The following NRXN1 variants were observed in gnomAD, a reference collection of about 807,000 sequenced individuals.
NRXN1 encodes the protein neurexin 1.
NRXN1 carries 39 observed loss-of-function variants against 150.9 expected under a neutral mutation model. The observed-to-expected ratio is 0.26, with a 90% confidence interval of 0.20 to 0.34. The LOEUF is 0.34. NRXN1 is among the 10% of genes least tolerant of loss of function. NRXN1 has a pLI of 1.00. For synonymous variants in NRXN1, 924 were observed against 757.0 expected (o/e 1.22, Z -3.62); for missense variants, 1,815 against 1,949.9 (o/e 0.93, Z 1.30).
At chr2:49,998,015 C>G (rs1026320991) in intron 21 of NRXN1, among the ~76,000 whole-genome samples, 2 of 152,116 alleles carry the variant, frequency 1.3e-5, no homozygotes, top group African/African-American at 4.8e-5. Context: ...AAAAGAGAGC[C>G]AGGTCAGCAG....
At chr2:49,978,801 C>T (rs1679468633) in intron 21 of NRXN1, among the ~76,000 whole-genome samples, 1 of 151,204 alleles carries the variant, frequency 6.6e-6, no homozygotes, top group Admixed American at 6.6e-5. Context: ...TCACAATTCT[C>T]TTAAAACTAG....
chr2:50,435,590 T>G (rs999929888), intron 17 of NRXN1, among the ~76,000 whole-genome samples: 2 of 152,218 alleles, frequency 1.3e-5, no homozygotes, highest in African/African-American at 4.8e-5. Context: ...TTGTGAATAG[T>G]GCTGTGATGA....
chr2:50,800,322 C>G (rs935058659), intron 5 of NRXN1, among the ~76,000 whole-genome samples: 4 of 152,176 alleles, frequency 2.6e-5, no homozygotes, highest in Admixed American at 6.5e-5. Context: ...TCTATTCACA[C>G]CAGGTTAAGC....
chr2:50,695,559 G>C (rs181104101), intron 5 of NRXN1, among the ~76,000 whole-genome samples: 1 of 152,180 alleles, frequency 6.6e-6, no homozygotes, highest in Non-Finnish European at 1.5e-5. Context: ...ATTTGACAAA[G>C]AGATTAGACT....
At chr2:49,974,483 G>C (rs1053897111) in intron 21 of NRXN1, among the ~76,000 whole-genome samples, 15 of 152,150 alleles carry the variant, frequency 9.9e-5, no homozygotes, top group African/African-American at 3.6e-4. Flanking sequence ...GCTAAACACA[G>C]AGGGGAAACT....
chr2:50,436,457 GAA>G (rs77204704), intron 17 of NRXN1, among the ~76,000 whole-genome samples: 32,531 of 138,950 alleles, frequency 0.23, 4,180 homozygotes, highest in East Asian at 0.4. Context: ...CCGTCTCAAG[GAA>G]AAAAAAAAAA....
At chr2:50,874,317 T>C (rs949753792) in intron 5 of NRXN1, among the ~76,000 whole-genome samples, 1 of 151,886 alleles carries the variant, frequency 6.6e-6, no homozygotes, top group Non-Finnish European at 1.5e-5. Flanking sequence ...ACATATATCA[T>C]ACTATCAATT....
At chr2:50,996,650 T>C (rs72874550) in intron 2 of NRXN1, among the ~76,000 whole-genome samples, 4,038 of 152,014 alleles carry the variant, frequency 0.027, 208 homozygotes, top group African/African-American at 0.092. Flanking sequence ...GACGAAAAGC[T>C]TAGACTTCCA....
chr2:50,266,003 T>C (rs1258122670), intron 17 of NRXN1, among the ~76,000 whole-genome samples: 1 of 27,258 alleles, frequency 3.7e-5, no homozygotes, highest in Admixed American at 3.4e-4. Context: ...TTATTATTTA[T>C]TTTTTTTTTT....
intron 2 of NRXN1, among the ~76,000 whole-genome samples, chr2:50,940,146 G>A (rs1268688699): frequency 6.6e-6 from 1 of 152,130 alleles, no homozygotes; most frequent in African/African-American, 2.4e-5. Flanking sequence ...TGAACTTAGA[G>A]TGCAGTTTAA....
intron 5 of NRXN1, among the ~76,000 whole-genome samples, chr2:50,881,896 G>GT (rs956102562): frequency 7.9e-5 from 12 of 151,434 alleles, no homozygotes; most frequent in African/African-American, 2.7e-4. Context: ...AGAACATACT[G>GT]TTTTTTTAAA....
chr2:50,873,891 A>C (rs1340817156), intron 5 of NRXN1, among the ~76,000 whole-genome samples: 1 of 151,810 alleles, frequency 6.6e-6, no homozygotes, highest in Non-Finnish European at 1.5e-5. Context: ...GAAACCAGTG[A>C]ATGAAATAAA....
chr2:50,728,423 T>C (rs1697666738), intron 5 of NRXN1, among the ~76,000 whole-genome samples: 1 of 152,174 alleles, frequency 6.6e-6, no homozygotes, highest in Admixed American at 6.5e-5. Context: ...ATTCAATTGC[T>C]TTTCCCTACA....
intron 17 of NRXN1, among the ~76,000 whole-genome samples, chr2:50,356,253 G>C (rs1424428431): frequency 6.6e-6 from 1 of 151,926 alleles, no homozygotes; most frequent in Non-Finnish European, 1.5e-5. Context: ...TTTTTTTCTG[G>C]GATGGATGAG....
In NRXN1 at chr2:49,922,525, T is replaced by A. The variant is rs973757569; in HGVS notation, c.4217-274A>T. On this transcript the variant is annotated intron_variant, in intron 22 of 22. Coordinates refer to ENST00000401669, the MANE Select transcript of NRXN1 (RefSeq NM_001330078.2). Reference sequence around the variant, plus strand: ...AAGCATTGTCCCAAATAAACTCCAATTAGCTCTAAAGGGCCATGTGGGTGA... The same window carrying A: ...AAGCATTGTCCCAAATAAACTCCAAATAGCTCTAAAGGGCCATGTGGGTGA... Among the ~76,000 whole-genome samples, 5 of 152,078 alleles carry A rather than the reference T, an allele frequency of 3.3e-5. 1 individual carries two copies. The East Asian group carries it at 9.6e-4, about 29-fold the overall frequency.
chr2:50,408,030 T>G (rs1443391802), intron 17 of NRXN1, among the ~76,000 whole-genome samples: 2 of 152,158 alleles, frequency 1.3e-5, no homozygotes, highest in African/African-American at 4.8e-5. Flanking sequence ...CAATAAATAC[T>G]TGTTGTCCTT....
At chr2:50,563,910 G>A (rs1039306777) in intron 8 of NRXN1, among the ~76,000 whole-genome samples, 1 of 152,112 alleles carries the variant, frequency 6.6e-6, no homozygotes, top group African/African-American at 2.4e-5. Context: ...CTAAGAGCCT[G>A]CAAACGAAAC....
intron 15 of NRXN1, among the ~76,000 whole-genome samples, chr2:50,481,766 T>TTC (rs1553677741): frequency 4.4e-5 from 5 of 113,304 alleles, no homozygotes; most frequent in Admixed American, 8.5e-5. Flanking sequence ...GTTTCTTTTT[T>TTC]TTTTTTTTTT....
At chr2:50,042,950 A>G (rs941359156) in intron 21 of NRXN1, among the ~76,000 whole-genome samples, 2 of 152,152 alleles carry the variant, frequency 1.3e-5, no homozygotes, top group Admixed American at 1.3e-4. Context: ...GGAGAAGTGT[A>G]TCATTAACTA....
Sources: allele counts gnomAD v4.1 joint callset (sites outside exome capture counted in the v4.1 genomes callset), GRCh38; gene constraint gnomAD v4.1.1; transcripts MANE v1.5; gene names NCBI Gene and HGNC (gene_info 2026-07-23, HGNC 2026-07-21).